MAPKAPK3: variants seen among roughly 807,000 people sequenced by gnomAD.
MAPKAPK3 encodes MAPK activated protein kinase 3.
In MAPKAPK3, 35 loss-of-function variants were observed where a neutral mutation model predicts 49.2. The observed-to-expected ratio is 0.71, with a 90% confidence interval of 0.54 to 0.94. MAPKAPK3 has a LOEUF of 0.94. Ranked by LOEUF, MAPKAPK3 falls within the 40% of genes least tolerant of loss-of-function variation. The probability of loss-of-function intolerance (pLI) is 0.00; values close to 1 mark genes in which losing one functional copy is unlikely to be tolerated. For synonymous variants in MAPKAPK3, 178 were observed against 188.7 expected, an observed-to-expected ratio of 0.94 and a Z score of 0.46; for missense variants, 398 against 493.1, an observed-to-expected ratio of 0.81 and a Z score of 1.83.
chr3:50,644,588 A>T (rs112591384), intron 6 of MAPKAPK3, 56 bp downstream of exon 6: 1 of 1,592,504 alleles, frequency 6.3e-7, no homozygotes, highest in Non-Finnish European at 8.6e-7. Context: ...CAGCTGTATT[A>T]TGGGGTAGCC....
chr3:50,640,954 C>T (rs879416021), intron 3 of MAPKAPK3, among the ~76,000 whole-genome samples: 1 of 152,200 alleles, frequency 6.6e-6, no homozygotes, highest in Non-Finnish European at 1.5e-5. Flanking sequence ...CTTTTCCACC[C>T]TGGGCTTCTT....
intron 2 of MAPKAPK3, among the ~76,000 whole-genome samples, chr3:50,633,060 G>A (rs1235237110): frequency 7.1e-6 from 1 of 140,462 alleles, no homozygotes; most frequent in African/African-American, 2.6e-5. Context: ...CTAGTTCTGG[G>A]CAACAAGAAA....
intron 8 of MAPKAPK3, 31 bp from the exon 9 acceptor site, chr3:50,646,709 A>C (rs373134705): frequency 6.5e-7 from 1 of 1,536,812 alleles, no homozygotes; most frequent in Non-Finnish European, 9.0e-7. Flanking sequence ...CTGCAATCTC[A>C]TCTCTCCCCT....
rs779237849 is a variant in MAPKAPK3, at chr3:50,647,899, G to A, written c.1002G>A (p.Glu334=). 2.5e-6 allele frequency: 4 copies of A among 1,612,762 alleles called. No homozygotes were observed. The highest frequency in any genetic ancestry group is 3.4e-6 in the Non-Finnish European group (4 of 1,179,434). Residue 334 remains glutamate (E), a synonymous_variant, in exon 11 of 11, where the codon GAG becomes GAA. Transcript: ENST00000621469. ...ACCATCCTGTCTGTCCCCAGGAGGA[G>A]ATGACCAGTGCCTTGGCCACTATGC... ...DKDHWDEVKE[E]MTSALATMRV...
Position 50,642,920 on chromosome 3 carries a change from C to T in MAPKAPK3, c.504+588C>T, listed in dbSNP as rs140369707. ...AGGCTGGAGTGCAGTGGCGCAATCTCGGCTCACTGCAGCTTCCGCCTCCCA... is the reference window on the plus strand; with the variant it reads ...AGGCTGGAGTGCAGTGGCGCAATCTTGGCTCACTGCAGCTTCCGCCTCCCA... On this transcript the variant is annotated intron_variant, in intron 5 of 10. Coordinates refer to ENST00000621469, the MANE Select transcript of MAPKAPK3 (RefSeq NM_001243925.2). 1.5e-3 allele frequency among the ~76,000 whole-genome samples: 222 copies of T among 152,280 alleles called. 1 individual carries two copies. The highest frequency in any genetic ancestry group is 5.0e-3 in the African/African-American group (206 of 41,540).
At chr3:50,618,917 T>G (rs1439722891) in intron 2 of MAPKAPK3, among the ~76,000 whole-genome samples, 1 of 152,152 alleles carries the variant, frequency 6.6e-6, no homozygotes, top group African/African-American at 2.4e-5. Context: ...TCTCGATCTC[T>G]TGACCTCGTG....
chr3:50,617,872 A>C lies in MAPKAPK3; in HGVS notation c.219+88A>C, dbSNP rs985141992. Reference sequence around the variant, plus strand: ...GAAGCTATGTCTAGCGCCCCTGCTAAGCTTCCTATGCTCAGCAACATGTTT... The same window carrying C: ...GAAGCTATGTCTAGCGCCCCTGCTACGCTTCCTATGCTCAGCAACATGTTT... On this transcript the variant is annotated intron_variant, in intron 2 of 10. Coordinates refer to ENST00000621469, the MANE Select transcript of MAPKAPK3 (RefSeq NM_001243925.2). 3.9e-6 allele frequency: 4 copies of C among 1,017,898 alleles called. No homozygotes were observed. In the African/African-American group the frequency reaches 4.7e-5, roughly 12 times the overall value. The allele number at this position is 1,017,898 out of a possible 1,614,324, so 63.1% of individuals were successfully genotyped here.
intron 2 of MAPKAPK3, among the ~76,000 whole-genome samples, chr3:50,630,159 G>A (rs2032867097): frequency 6.6e-6 from 1 of 152,196 alleles, no homozygotes; most frequent in South Asian, 2.1e-4. Context: ...CCAGGTTCTG[G>A]TTCTGGAAAG....
chr3:50,617,759 G>A lies in MAPKAPK3; in HGVS notation c.194G>A (p.Arg65His). ...NGKVLECFHR[R>H]TGQKCALKLL... The stretch of plus-strand genomic sequence containing the variant: ...AAAGTGCTGGAGTGCTTCCATCGGC[G>A]CACTGGACAGAAGTGTGCCCTGAAG... Residue 65 changes from arginine (R) to histidine (H), a missense_variant, in exon 2 of 11, where the codon CGC becomes CAC. By Grantham distance (29) the Arg-to-His change is conservative. Transcript: ENST00000621469. The A allele has an allele frequency of 6.2e-7, 1 of 1,613,480 alleles. No individual in the cohort carries two copies.
chr3:50,614,318 C>T (rs1047498771), upstream of MAPKAPK3, among the ~76,000 whole-genome samples: 1 of 152,290 alleles, frequency 6.6e-6, no homozygotes, highest in South Asian at 2.1e-4. Context: ...TTCTTCTCTT[C>T]TAGGATAATC....
intron 2 of MAPKAPK3, among the ~76,000 whole-genome samples, chr3:50,625,423 T>G (rs2032713379): frequency 1.3e-5 from 2 of 152,098 alleles, no homozygotes; most frequent in South Asian, 4.1e-4. Flanking sequence ...CGTTTGGAAC[T>G]AAGTGGATTA....
At chr3:50,641,650 C>A in intron 3 of MAPKAPK3, 57 bp from the exon 4 acceptor site, 1 of 1,411,600 alleles carries the variant, frequency 7.1e-7, no homozygotes, top group Non-Finnish European at 1.0e-6. Context: ...GGGGCAGGGG[C>A]AAGGGTAGGA....
chr3:50,645,698 C>T lies in MAPKAPK3; in HGVS notation c.629-12C>T. On this transcript the variant is annotated splice_polypyrimidine_tract_variant and intron_variant, in intron 6 of 10. Coordinates refer to ENST00000621469, the MANE Select transcript of MAPKAPK3 (RefSeq NM_001243925.2). ...TGGGTCTGAGAGCCCTGCTGTCCCTCTGCCCTGGCAGCCCCTGAGGTCCTG... is the reference window on the plus strand; with the variant it reads ...TGGGTCTGAGAGCCCTGCTGTCCCTTTGCCCTGGCAGCCCCTGAGGTCCTG... The T allele has an allele frequency of 6.2e-7, 1 of 1,613,242 alleles. No homozygotes were observed. Among genetic ancestry groups the T allele is most frequent in the Non-Finnish European group, 8.5e-7 (1 of 1,179,192 alleles).
At chr3:50,611,566 C>G, upstream of MAPKAPK3, 1 of 1,524,632 alleles carries the variant, frequency 6.6e-7, no homozygotes. Context: ...GCAGCTAGCA[C>G]GAAGCCCCTG....
intron 2 of MAPKAPK3, among the ~76,000 whole-genome samples, chr3:50,626,753 G>A (rs2032755682): frequency 6.6e-6 from 1 of 152,212 alleles, no homozygotes; most frequent in African/African-American, 2.4e-5. Flanking sequence ...TGGATGCAGA[G>A]ACAGGTTCAG....
At chr3:50,617,478 A>G (rs1451444611) in intron 1 of MAPKAPK3, 36 bp from the exon 2 acceptor site, 3 of 680,946 alleles carry the variant, frequency 4.4e-6, no homozygotes, top group African/African-American at 1.8e-5. Flanking sequence ...GTGTTGGAAA[A>G]GTCTGGGCGG....
At chr3:50,644,069 T>TA (rs1227751022) in intron 5 of MAPKAPK3, among the ~76,000 whole-genome samples, 1 of 152,124 alleles carries the variant, frequency 6.6e-6, no homozygotes, top group African/African-American at 2.4e-5. Flanking sequence ...AATACTGACT[T>TA]ATGAGCAGCC....
At chr3:50,612,024 G>T (rs534334599) in exon 1 of MAPKAPK3, 3 of 253,010 alleles carry the variant, frequency 1.2e-5, no homozygotes, top group South Asian at 2.3e-4. Flanking sequence ...AAAACGGGGC[G>T]GGGCCCCGCG....
chr3:50,631,612 G>A (rs539644713), intron 2 of MAPKAPK3, among the ~76,000 whole-genome samples: 4 of 152,360 alleles, frequency 2.6e-5, no homozygotes, highest in Admixed American at 6.5e-5. Flanking sequence ...TGCTATTCCA[G>A]TGGTGTCTCT....
Sources: gnomAD v4.1 joint callset for allele counts (sites outside exome capture counted in the v4.1 genomes callset) on GRCh38, gnomAD v4.1.1 for gene constraint, MANE v1.5 for transcripts, NCBI Gene and HGNC (gene_info 2026-07-23, HGNC 2026-07-21) for gene names.